Variants in SNX24 observed in about 807,000 individuals in gnomAD.
SNX24 encodes the protein sorting nexin 24.
Under a neutral mutation model 28.7 loss-of-function variants are expected in SNX24, and 22 were observed. The ratio of observed to expected loss-of-function variants is 0.77; its 90% CI spans 0.55 to 1.10. The LOEUF (loss-of-function observed/expected upper bound fraction) is 1.10. SNX24 is among the 50% of genes least tolerant of loss of function. The pLI is 0.00. For synonymous variants in SNX24, 69 were observed against 71.5 expected, an observed-to-expected ratio of 0.96 and a Z score of 0.18; for missense variants, 221 against 201.1, an observed-to-expected ratio of 1.10 and a Z score of -0.60.
intron 1 of SNX24, among the ~76,000 whole-genome samples, chr5:122,855,518 A>T (rs1246032823): frequency 1.3e-5 from 2 of 152,190 alleles, no homozygotes; most frequent in African/African-American, 4.8e-5. Flanking sequence ...TGGTGGCTCT[A>T]ACTTGTAATC....
intron 6 of SNX24, among the ~76,000 whole-genome samples, chr5:123,005,177 AC>A (rs1303077789): frequency 2.6e-5 from 4 of 152,054 alleles, no homozygotes; most frequent in Non-Finnish European, 5.9e-5. Context: ...TTGTCAGAGA[AC>A]CCTATTTGCT....
chr5:122,858,200 G>A (rs1755296508), intron 1 of SNX24, among the ~76,000 whole-genome samples: 1 of 152,126 alleles, frequency 6.6e-6, no homozygotes, highest in Admixed American at 6.5e-5. Flanking sequence ...AATTACAGTA[G>A]TAACTTGTAA....
At chr5:123,004,965 A>G (rs1041143392) in intron 6 of SNX24, among the ~76,000 whole-genome samples, 2 of 152,192 alleles carry the variant, frequency 1.3e-5, no homozygotes, top group East Asian at 1.9e-4. Context: ...TCACCTCTCA[A>G]TGAGAATCAA....
intron 6 of SNX24, 23 bp from the exon 7 acceptor site, chr5:123,007,659 C>CTTTTTTTTTTTTT: frequency 6.1e-6 from 7 of 1,153,130 alleles, no homozygotes; most frequent in Non-Finnish European, 4.8e-6. Flanking sequence ...TTTTTTTTTT[C>CTTTTTTTTTTTTT]TTTTTTTTTT....
chr5:122,946,014 G>GTTTTTTT (rs574269067), intron 2 of SNX24, 41 bp from the exon 3 acceptor site: 21 of 877,824 alleles, frequency 2.4e-5, no homozygotes, highest in East Asian at 6.9e-5. Context: ...AGACATCTCT[G>GTTTTTTT]TTTTTTTTTT....
At chr5:123,001,463 G>A (rs758000328) in intron 5 of SNX24, 26 bp downstream of exon 5, 9 of 1,526,002 alleles carry the variant, frequency 5.9e-6, no homozygotes, top group Non-Finnish European at 7.2e-6. Flanking sequence ...CATCAGCCAG[G>A]AATAGGATTA....
chr5:122,958,285 C>T (rs950676430), intron 3 of SNX24, among the ~76,000 whole-genome samples: 3 of 151,326 alleles, frequency 2.0e-5, no homozygotes, highest in African/African-American at 7.3e-5. Context: ...CAGAGTTTCA[C>T]TCTTGTTGCC....
chr5:122,954,187 TTCTC>T (rs150039118), intron 3 of SNX24, among the ~76,000 whole-genome samples: 2 of 144,394 alleles, frequency 1.4e-5, no homozygotes, highest in Non-Finnish European at 3.0e-5. Context: ...GCAGTGAACT[TTCTC>T]TCTCTCTATA....
At chr5:122,965,634 A>G (rs1399829748) in intron 3 of SNX24, 4 of 284,600 alleles carry the variant, frequency 1.4e-5, no homozygotes, top group Admixed American at 7.7e-5. Flanking sequence ...GATGGCTCAC[A>G]TTTCTCATAG....
At chr5:123,028,958 A>C (rs748281555) in intron 5 of SNX24, 264 of 1,118,180 alleles carry the variant, frequency 2.4e-4, no homozygotes, top group Non-Finnish European at 2.8e-4. Flanking sequence ...AAACTGAGAA[A>C]ATTAAACAAA....
At chr5:122,888,998 G>A (rs1243020463) in intron 1 of SNX24, among the ~76,000 whole-genome samples, 2 of 152,006 alleles carry the variant, frequency 1.3e-5, no homozygotes, top group East Asian at 1.9e-4. Flanking sequence ...ATTTACAGGC[G>A]TGCATCACCA....
rs1332299208 is a variant in SNX24 at position 122,892,723 on chromosome 5, C to T, written c.61-44011C>T. 2.0e-5 allele frequency among the ~76,000 whole-genome samples: 3 copies of T among 151,518 alleles called. No individual in the cohort carries two copies. The East Asian group carries it at 5.8e-4, about 29-fold the overall frequency. ...AAAGTGCTGGGATTACAGGCGTGAGCCACCGTGCCCAGCCCATTTCCTTTA... is the reference window on the plus strand; with the variant it reads ...AAAGTGCTGGGATTACAGGCGTGAGTCACCGTGCCCAGCCCATTTCCTTTA... On this transcript the variant is annotated intron_variant, in intron 1 of 6. Coordinates refer to ENST00000261369, the MANE Select transcript of SNX24 (RefSeq NM_014035.4).
In SNX24 at chr5:122,963,555, G is replaced by A. The variant is rs144821345; in HGVS notation, c.249+17396G>A. 7.8e-3 allele frequency among the ~76,000 whole-genome samples: 1,193 copies of A among 152,232 alleles called. 10 individuals are homozygous for A. The highest frequency in any genetic ancestry group is 0.017 in the Middle Eastern group (5 of 294). Reference sequence around the variant, plus strand: ...TATTAGTCCTTTTAAGGTGGCTGTGGGCTCTACTCTCTTTCAGTACTGCAA... The same window carrying A: ...TATTAGTCCTTTTAAGGTGGCTGTGAGCTCTACTCTCTTTCAGTACTGCAA... On this transcript the variant is annotated intron_variant, in intron 3 of 6. Coordinates refer to ENST00000261369, the MANE Select transcript of SNX24 (RefSeq NM_014035.4).
intron 1 of SNX24, among the ~76,000 whole-genome samples, chr5:122,881,462 A>T (rs994055819): frequency 3.9e-5 from 6 of 152,148 alleles, no homozygotes; most frequent in Admixed American, 2.6e-4. Context: ...GTCAGGCCCT[A>T]TCCCAGACCT....
chr5:122,864,198 T>C (rs948232636), intron 1 of SNX24, among the ~76,000 whole-genome samples: 1 of 152,058 alleles, frequency 6.6e-6, no homozygotes, highest in Non-Finnish European at 1.5e-5. Context: ...AAGTAAAAGA[T>C]GATGATGGCT....
At chr5:122,891,127 T>C (rs1756949305) in intron 1 of SNX24, 2 of 1,488,036 alleles carry the variant, frequency 1.3e-6, no homozygotes. Flanking sequence ...ACATATCAGG[T>C]ATTTTTGACT....
chr5:123,004,920 A>G (rs1697809097), intron 6 of SNX24, among the ~76,000 whole-genome samples: 1 of 152,184 alleles, frequency 6.6e-6, no homozygotes, highest in Non-Finnish European at 1.5e-5. Context: ...AACAAAAATA[A>G]CAGCAAAACC....
At chr5:122,909,653 A>G (rs985441285) in intron 1 of SNX24, among the ~76,000 whole-genome samples, 1 of 152,144 alleles carries the variant, frequency 6.6e-6, no homozygotes, top group Non-Finnish European at 1.5e-5. Flanking sequence ...AGGCTTACCT[A>G]TTAAGATGAC....
chr5:123,028,546 C>T (rs1278666754), intron 5 of SNX24: 8 of 424,784 alleles, frequency 1.9e-5, no homozygotes, highest in Non-Finnish European at 2.9e-5. Flanking sequence ...ATCTCAATTA[C>T]GGAAAGACAA....
Sources: gnomAD v4.1 joint callset for allele counts (sites outside exome capture counted in the v4.1 genomes callset) on GRCh38, gnomAD v4.1.1 for gene constraint, MANE v1.5 for transcripts, NCBI Gene and HGNC (gene_info 2026-07-23, HGNC 2026-07-21) for gene names.